The following PXDC1 variants were observed in gnomAD, a reference collection of about 807,000 sequenced individuals.
The protein encoded by PXDC1 is PX domain containing 1.
In PXDC1, 13 loss-of-function variants were observed where a neutral mutation model predicts 24.4. That is an observed-to-expected ratio of 0.53 (90% CI 0.35 to 0.85). The LOEUF (loss-of-function observed/expected upper bound fraction) is 0.85, where lower values mean the gene tolerates loss of function less well. Among genes scored for constraint, PXDC1 ranks in the 40% least tolerant of loss-of-function variants. The probability of loss-of-function intolerance (pLI) is 0.01; values close to 1 mark genes in which losing one functional copy is unlikely to be tolerated. For synonymous variants in PXDC1, 162 were observed against 124.9 expected (o/e 1.30, Z -1.98); for missense variants, 344 against 309.3 (o/e 1.11, Z -0.84).
chr6:3,738,772 CATA>C, intron 1 of PXDC1: 1 of 1,297,730 alleles, frequency 7.7e-7, no homozygotes, highest in South Asian at 1.2e-5. Flanking sequence ...TGTCAGGCAG[CATA>C]ATATTTTATT....
At position 3,723,424 on chromosome 6, in the gene PXDC1, C is replaced by G; in HGVS notation, c.*195G>C. On this transcript the variant is annotated 3_prime_UTR_variant, in exon 5 of 5. Transcript: ENST00000380283. ...CTGTGACCTCAGCTTGCTGGAGACT[C>G]TGCGGTCAGCCTGGCCCACTAGGAG... 1.6e-6 allele frequency: 1 copy of G among 609,416 alleles called. No individual in the cohort carries two copies. Among genetic ancestry groups the G allele is most frequent in the East Asian group, 2.7e-5 (1 of 36,922 alleles). 37.8% of individuals were successfully genotyped at this position (609,416 alleles called of 1,614,324 possible). A position where few individuals can be genotyped will look rare whatever the true frequency, so the allele number is the denominator to read the frequency against.
chr6:3,723,747 A>AG lies in PXDC1; in HGVS notation c.579-12dup. 2 of 1,609,286 alleles carry AG rather than the reference A, an allele frequency of 1.2e-6. No homozygotes were observed. Among genetic ancestry groups the AG allele is most frequent in the Non-Finnish European group, 1.7e-6 (2 of 1,175,732 alleles). ...CTGCCATTCTCAAATCTGAAATTAG[A>AG]GAAACCAGAGGTGAGGGGTGGCTCA... is the stretch of plus-strand genomic sequence containing the variant. On this transcript the variant is annotated splice_polypyrimidine_tract_variant and intron_variant, in intron 4 of 4. Transcript: ENST00000380283.
Position 3,727,320 on chromosome 6 carries a change from G to A in PXDC1, c.578+231C>T, listed in dbSNP as rs113356089. Among the ~76,000 whole-genome samples the A allele has an allele frequency of 8.5e-3, 1,289 of 152,254 alleles. 19 individuals are homozygous for A. The highest frequency in any genetic ancestry group is 0.029 in the African/African-American group (1,225 of 41,552). On this transcript the variant is annotated intron_variant, in intron 4 of 4. Transcript: ENST00000380283. The stretch of plus-strand genomic sequence containing the variant: ...CGAACCAGGCCCCTAGCCCTGCAAC[G>A]TCTCCTAAATGCCCCTCAGAGCCAG...
At chr6:3,736,186 C>T (rs1760310922) in intron 3 of PXDC1, among the ~76,000 whole-genome samples, 1 of 152,110 alleles carries the variant, frequency 6.6e-6, no homozygotes, top group South Asian at 2.1e-4. Flanking sequence ...GGGCTCAGAC[C>T]CCCTCTCATC....
At chr6:3,745,587 C>CT (rs1158974382) in intron 1 of PXDC1, among the ~76,000 whole-genome samples, 3 of 115,614 alleles carry the variant, frequency 2.6e-5, no homozygotes, top group Non-Finnish European at 6.5e-5. Context: ...CTGACCCCTC[C>CT]TATTAAGGCC....
chr6:3,723,560 G>A lies in PXDC1; in HGVS notation c.*59C>T, dbSNP rs1759988397. On this transcript the variant is annotated 3_prime_UTR_variant, in exon 5 of 5. Transcript: ENST00000380283. ...AGCTGTGACCATGGGGGCCAGCACA[G>A]TGGACAGCATCAGAGCTGGCAGTGA... The A allele has an allele frequency of 1.5e-6, 2 of 1,311,456 alleles. No individual in the cohort carries two copies. The highest frequency in any genetic ancestry group is 1.7e-5 in the Admixed American group (1 of 59,474). The allele number at this position is 1,311,456 out of a possible 1,614,324, so 81.2% of individuals were successfully genotyped here.
chr6:3,734,818 C>T (rs1017869290), intron 3 of PXDC1, among the ~76,000 whole-genome samples: 1 of 152,180 alleles, frequency 6.6e-6, no homozygotes, highest in Admixed American at 6.5e-5. Context: ...GGCGCAGTGG[C>T]TAATACCTAT....
intron 1 of PXDC1, chr6:3,738,731 G>T: frequency 8.0e-7 from 1 of 1,255,510 alleles, no homozygotes; most frequent in African/African-American, 1.5e-5. Flanking sequence ...GGGCCTCTGT[G>T]CTTCTCACGG....
chr6:3,750,323 C>T (rs941703898), intron 1 of PXDC1, among the ~76,000 whole-genome samples: 1 of 152,214 alleles, frequency 6.6e-6, no homozygotes, highest in African/African-American at 2.4e-5. Flanking sequence ...AAGAAGGCTG[C>T]TGGGCCACTG....
chr6:3,732,897 G>A (rs1760234123), intron 3 of PXDC1, among the ~76,000 whole-genome samples: 1 of 152,246 alleles, frequency 6.6e-6, no homozygotes, highest in South Asian at 2.1e-4. Context: ...GGAGGAGGGT[G>A]GATGTGGGCT....
At chr6:3,744,861 G>A (rs57574834) in intron 1 of PXDC1, among the ~76,000 whole-genome samples, 4 of 152,146 alleles carry the variant, frequency 2.6e-5, no homozygotes, top group Admixed American at 1.3e-4. Flanking sequence ...TACCAGGCTC[G>A]GCTAATTTTT....
In PXDC1 at chr6:3,728,190, G is replaced by A. The variant is rs1040732955; in HGVS notation, c.467-528C>T. 1.3e-5 allele frequency among the ~76,000 whole-genome samples: 2 copies of A among 152,106 alleles called. No homozygotes were observed. Among genetic ancestry groups the A allele is most frequent in the Non-Finnish European group, 2.9e-5 (2 of 68,020 alleles). On this transcript the variant is annotated intron_variant, in intron 3 of 4. Coordinates refer to ENST00000380283, the MANE Select transcript of PXDC1 (RefSeq NM_183373.4). This position sits in a 1 kb window ranked among gnomAD's most constrained non-coding sequence, Gnocchi z 4.0. ...GGTTACAGGTGGGTCTTGGTTACAC[G>A]GATAAGTTCTTTAGCGGTGATTTCT...
chr6:3,726,856 G>A (rs900462120), intron 4 of PXDC1, among the ~76,000 whole-genome samples: 13 of 152,366 alleles, frequency 8.5e-5, no homozygotes, highest in African/African-American at 1.7e-4. Context: ...AACACAACCC[G>A]TGGTGGGACA....
chr6:3,741,232 T>C (rs1760442917), intron 1 of PXDC1, among the ~76,000 whole-genome samples: 1 of 152,212 alleles, frequency 6.6e-6, no homozygotes, highest in Non-Finnish European at 1.5e-5. Context: ...TTGATTTTAT[T>C]TGTGGAAATG....
At chr6:3,726,173 G>A (rs1174204955) in intron 4 of PXDC1, among the ~76,000 whole-genome samples, 1 of 152,178 alleles carries the variant, frequency 6.6e-6, no homozygotes, top group Non-Finnish European at 1.5e-5. Flanking sequence ...CTGCACAACT[G>A]GTGATGAGGA....
chr6:3,727,959 A>G (rs1467121773), intron 3 of PXDC1, among the ~76,000 whole-genome samples: 2 of 152,142 alleles, frequency 1.3e-5, no homozygotes, highest in African/African-American at 4.8e-5. Flanking sequence ...AAGCTGGAGT[A>G]CAAAGAAGGA....
intron 1 of PXDC1, among the ~76,000 whole-genome samples, chr6:3,750,782 A>T (rs1760690314): frequency 6.6e-6 from 1 of 152,086 alleles, no homozygotes. Context: ...GCGCTCGAAG[A>T]CCAGGGGCGC....
chr6:3,751,629 C>CCGGGGTCGTCCGGGGT lies in PXDC1; in HGVS notation c.-114_-99dup. On this transcript the variant is annotated 5_prime_UTR_variant, in exon 1 of 5. Coordinates refer to ENST00000380283, the MANE Select transcript of PXDC1 (RefSeq NM_183373.4). Reference sequence around the variant, plus strand: ...GGGGTCGTCCCGGGTCTGTCCGTGGCCGGGGTCGTCCGGGGTCGGCCCGTC... The same window carrying CCGGGGTCGTCCGGGGT: ...GGGGTCGTCCCGGGTCTGTCCGTGGCCGGGGTCGTCCGGGGTCGGGGTCGTCCGGGGTCGGCCCGTC... 1 of 1,343,552 alleles carries CCGGGGTCGTCCGGGGT rather than the reference C, an allele frequency of 7.4e-7. No homozygotes were observed. The highest frequency in any genetic ancestry group is 1.8e-5 in the South Asian group (1 of 54,414). The allele number at this position is 1,343,552 out of a possible 1,614,324, so 83.2% of individuals were successfully genotyped here.
rs147248402 is a variant in PXDC1 at position 3,751,517 on chromosome 6, C to G, written c.15G>C (p.Val5=). MASA[V]FEGTSLVNMF... ...TGTTCACGAGCGACGTGCCCTCAAA[C>G]ACCGCCGAGGCCATGTCGCACGCAT... The change falls in exon 1 of 5, where the codon GTG becomes GTC. Residue 5 remains valine (V), a synonymous_variant. Coordinates refer to ENST00000380283, the MANE Select transcript of PXDC1 (RefSeq NM_183373.4). The G allele has an allele frequency of 6.3e-7, 1 of 1,595,076 alleles. No individual in the cohort carries two copies. The highest frequency in any genetic ancestry group is 2.3e-5 in the East Asian group (1 of 43,818).
Sources: allele counts gnomAD v4.1 joint callset (sites outside exome capture counted in the v4.1 genomes callset), GRCh38; gene constraint gnomAD v4.1.1; non-coding constraint Gnocchi (gnomAD v3.1); transcripts MANE v1.5; gene names NCBI Gene and HGNC (gene_info 2026-07-23, HGNC 2026-07-21).